The following DOCK3 variants were observed in gnomAD, a reference collection of about 807,000 sequenced individuals.
DOCK3 encodes the protein dedicator of cytokinesis 3.
DOCK3 carries 60 observed loss-of-function variants against 265.6 expected under a neutral mutation model. The ratio of observed to expected loss-of-function variants is 0.23; its 90% confidence interval spans 0.18 to 0.28. DOCK3 has a LOEUF of 0.28. DOCK3 is among the 10% of genes least tolerant of loss of function. The pLI is 1.00. For missense variants in DOCK3, 1,981 were observed against 2,594.3 expected (o/e 0.76, Z 5.14); for synonymous variants, 881 against 938.0 (o/e 0.94, Z 1.11).
intron 1 of DOCK3, among the ~76,000 whole-genome samples, chr3:50,776,752 A>G (rs987757672): frequency 9.2e-5 from 14 of 152,016 alleles, no homozygotes; most frequent in Admixed American, 5.2e-4. Flanking sequence ...TTTTTTGTAT[A>G]GTGATAGATG....
At chr3:51,323,541 C>T (rs1037796474) in intron 32 of DOCK3, among the ~76,000 whole-genome samples, 1 of 151,976 alleles carries the variant, frequency 6.6e-6, no homozygotes, top group Non-Finnish European at 1.5e-5. Flanking sequence ...CACTCAAAAC[C>T]GCACAACTAT....
intron 3 of DOCK3, among the ~76,000 whole-genome samples, chr3:50,866,603 T>G (rs1166340736): frequency 6.6e-6 from 1 of 152,094 alleles, no homozygotes; most frequent in East Asian, 1.9e-4. Context: ...TTTGATTAGA[T>G]ATTTGTATAT....
chr3:51,301,302 A>G (rs776204144), intron 27 of DOCK3, among the ~76,000 whole-genome samples: 6 of 151,194 alleles, frequency 4.0e-5, no homozygotes, highest in Non-Finnish European at 5.9e-5. Flanking sequence ...TTTCTTCTTT[A>G]TTAATCTAGC....
chr3:50,821,786 T>C (rs1361170958), intron 2 of DOCK3, among the ~76,000 whole-genome samples: 1 of 152,200 alleles, frequency 6.6e-6, no homozygotes, highest in Admixed American at 6.5e-5. Flanking sequence ...TCAGCCTTGT[T>C]GAAGGTCAGA....
At chr3:50,896,034 C>G (rs1559782237) in intron 4 of DOCK3, among the ~76,000 whole-genome samples, 1 of 152,032 alleles carries the variant, frequency 6.6e-6, no homozygotes, top group South Asian at 2.1e-4. Context: ...GTGTATATAC[C>G]CAGTAATGGG....
chr3:51,159,133 C>A, intron 10 of DOCK3, 111 bp from the exon 11 acceptor site: 1 of 954,020 alleles, frequency 1.0e-6, no homozygotes, highest in South Asian at 1.5e-5. Context: ...GCTGTAATCT[C>A]CCTTCCCCTG....
intron 5 of DOCK3, among the ~76,000 whole-genome samples, chr3:50,938,358 C>A (rs1242537736): frequency 6.6e-6 from 1 of 151,958 alleles, no homozygotes; most frequent in Non-Finnish European, 1.5e-5. Flanking sequence ...CTTAGTAATC[C>A]GTATAACCAC....
At chr3:50,834,295 T>G (rs540184753) in intron 2 of DOCK3, among the ~76,000 whole-genome samples, 1 of 152,196 alleles carries the variant, frequency 6.6e-6, no homozygotes, top group South Asian at 2.1e-4. Context: ...AGAAAACAAT[T>G]GTTTGTGGAT....
intron 12 of DOCK3, among the ~76,000 whole-genome samples, chr3:51,180,164 C>T (rs542822929): frequency 5.8e-4 from 86 of 147,998 alleles, no homozygotes; most frequent in Admixed American, 1.6e-3. Context: ...GCCGAGATCA[C>T]GCCACTGTGC....
intron 9 of DOCK3, among the ~76,000 whole-genome samples, chr3:51,112,348 A>G (rs1022872718): frequency 6.6e-6 from 1 of 152,216 alleles, no homozygotes; most frequent in Admixed American, 6.5e-5. Flanking sequence ...AAGGATACAT[A>G]TTGAATGATT....
At chr3:51,042,155 G>C (rs1441396139) in intron 5 of DOCK3, among the ~76,000 whole-genome samples, 1 of 152,136 alleles carries the variant, frequency 6.6e-6, no homozygotes, top group South Asian at 2.1e-4. Flanking sequence ...GGCCAATATC[G>C]TTAATGAATA....
intron 32 of DOCK3, among the ~76,000 whole-genome samples, chr3:51,323,450 T>C (rs188568540): frequency 6.6e-6 from 1 of 152,242 alleles, no homozygotes; most frequent in East Asian, 1.9e-4. Flanking sequence ...GACCACATAA[T>C]TGGAAGTAAA....
At chr3:50,805,676 C>T (rs1236563512) in intron 2 of DOCK3, among the ~76,000 whole-genome samples, 2 of 151,666 alleles carry the variant, frequency 1.3e-5, no homozygotes, top group African/African-American at 4.8e-5. Context: ...GCCTGTTTCT[C>T]CAGCTTAGGA....
At position 51,275,085 on chromosome 3, in the gene DOCK3, G is replaced by A. The variant is rs773719061; in HGVS notation, c.2555G>A (p.Arg852His). Residue 852 changes from arginine to histidine, a missense_variant, in exon 25 of 53, where the codon CGC becomes CAC. Around this residue, in one of 4 missense-constraint regions of DOCK3, gnomAD observed 1,357 missense variants for 1,866.8 expected, o/e 0.73. Transcript: ENST00000266037. ...TTTGTATTTTCTCTCCCAGAATCCCGCCGCATCCTGCTTCCTGTGGTTCTC... is the reference window on the plus strand; with the variant it reads ...TTTGTATTTTCTCTCCCAGAATCCCACCGCATCCTGCTTCCTGTGGTTCTC... ...DSRLFSFSESRRILLPVVLHH... is the reference protein window; with the variant it reads ...DSRLFSFSESHRILLPVVLHH... The A allele has an allele frequency of 5.6e-6, 9 of 1,613,686 alleles. No individual in the cohort carries two copies. The highest frequency in any genetic ancestry group is 7.6e-6 in the Non-Finnish European group (9 of 1,179,840).
chr3:51,333,415 G>A (rs1280081378), intron 35 of DOCK3, among the ~76,000 whole-genome samples, 162 bp downstream of exon 35: 3 of 152,170 alleles, frequency 2.0e-5, no homozygotes, highest in South Asian at 2.1e-4. Context: ...GATGACCAAG[G>A]AGAGACAGAG....
chr3:51,374,597 C>G lies in DOCK3; in HGVS notation c.5412+10C>G, dbSNP rs761376970. 6.2e-7 allele frequency: 1 copy of G among 1,603,092 alleles called. No individual in the cohort carries two copies. The highest frequency in any genetic ancestry group is 1.7e-5 in the Admixed American group (1 of 59,046). On this transcript the variant is annotated intron_variant, in intron 50 of 52. Coordinates refer to ENST00000266037, the MANE Select transcript of DOCK3 (RefSeq NM_004947.5). This position sits in a 1 kb window ranked among gnomAD's most constrained non-coding sequence, Gnocchi z 4.8. ...CCTGGAGAACGGACAGGTAATAGAC[C>G]CACCACACTGACTGTCCTCTGCTGC... is the stretch of plus-strand genomic sequence containing the variant.
chr3:51,207,605 CAATT>C (rs929567568), intron 12 of DOCK3, among the ~76,000 whole-genome samples: 2 of 152,108 alleles, frequency 1.3e-5, no homozygotes, highest in African/African-American at 4.8e-5. Flanking sequence ...GACTGGGTAA[CAATT>C]AATTAAGCTA....
At chr3:51,366,480 C>G (rs1256607808) in intron 49 of DOCK3, among the ~76,000 whole-genome samples, 1 of 152,024 alleles carries the variant, frequency 6.6e-6, no homozygotes, top group East Asian at 1.9e-4. Flanking sequence ...TTTTGTATCT[C>G]TATCTCCTTC....
At chr3:51,276,242 G>T in intron 25 of DOCK3, 1 of 402,912 alleles carries the variant, frequency 2.5e-6, no homozygotes, top group South Asian at 1.0e-4. Context: ...GACTATGATG[G>T]TGATAATGGC....
Sources: allele counts gnomAD v4.1 joint callset (sites outside exome capture counted in the v4.1 genomes callset), GRCh38; gene constraint gnomAD v4.1.1; regional missense constraint gnomAD v4.1.1; non-coding constraint Gnocchi (gnomAD v3.1); transcripts MANE v1.5; gene names NCBI Gene and HGNC (gene_info 2026-07-23, HGNC 2026-07-21).